The following PDZD4 variants were observed in gnomAD, a reference collection of about 807,000 sequenced individuals.
PDZD4 encodes PDZ domain containing 4.
In PDZD4, 9 loss-of-function variants were observed where a neutral mutation model predicts 38.5. That is an observed-to-expected ratio of 0.23 (90% confidence interval 0.14 to 0.41). PDZD4 has a LOEUF of 0.41. Ranked by LOEUF, PDZD4 falls within the 10% of genes least tolerant of loss-of-function variation. The pLI is 1.00. For synonymous variants in PDZD4, 349 were observed against 315.7 expected (o/e 1.11, Z -1.12); for missense variants, 612 against 722.0 (o/e 0.85, Z 1.75).
chrX:153,809,124 A>G (rs781899897), intron 1 of PDZD4, among the ~76,000 whole-genome samples: 3 of 112,606 alleles, frequency 2.7e-5, no homozygotes, highest in African/African-American at 6.5e-5. Flanking sequence ...TCTACTCACT[A>G]GGGAGGGCCA....
At position 153,806,169 on chromosome X, in the gene PDZD4, A is replaced by G. The variant is rs782688995; in HGVS notation, c.505-36T>C. 2.6e-5 allele frequency: 31 copies of G among 1,198,172 alleles called. No individual in the cohort carries two copies. In the South Asian group the frequency reaches 5.5e-4, roughly 21 times the overall value. On this transcript the variant is annotated intron_variant, in intron 4 of 7. Transcript: ENST00000393758. The stretch of plus-strand genomic sequence containing the variant: ...CACGCATCTTGGGGACTTGGTGCCT[A>G]ACATGCCCTTTCGGTAGAAGGGGGC...
chrX:153,823,399 G>A (rs894966677), intron 1 of PDZD4, among the ~76,000 whole-genome samples: 1 of 110,578 alleles, frequency 9.0e-6, no homozygotes, highest in Middle Eastern at 4.7e-3. Context: ...TGTATTTTTA[G>A]TAGAGATGGG....
chrX:153,818,232 C>A (rs1375252748), intron 1 of PDZD4, among the ~76,000 whole-genome samples: 3 of 110,347 alleles, frequency 2.7e-5, no homozygotes, highest in Admixed American at 9.7e-5. Context: ...GGCAACAGAG[C>A]AAGACTCCGT....
rs781967908 is a variant in PDZD4 at position 153,806,117 on chromosome X, A to G, written c.521T>C (p.Ile174Thr). 4.1e-6 allele frequency: 5 copies of G among 1,210,215 alleles called. No individual in the cohort carries two copies. Among genetic ancestry groups the G allele is most frequent in the Non-Finnish European group, 4.5e-6 (4 of 895,188 alleles). Residue 174 changes from isoleucine (I) to threonine (T), a missense_variant, in exon 5 of 8, where the codon ATT becomes ACT. This residue lies in a region of PDZD4 where 225 missense variants were observed against 311.0 expected (regional missense o/e 0.72). Transcript: ENST00000393758. Reference sequence around the variant, plus strand: ...ACGGATCCGGCCGTCTTTGGCTGCAATGCTGTTGGGATTTACCTGCAGGAC... The same window carrying G: ...ACGGATCCGGCCGTCTTTGGCTGCAGTGCTGTTGGGATTTACCTGCAGGAC... ...IYVGEVNPNS[I>T]AAKDGRIREG...
rs782135132 is a variant in PDZD4, at chrX:153,824,999, A to AAAC, written c.60+5237_60+5239dup. On this transcript the variant is annotated intron_variant, in intron 1 of 7. Transcript: ENST00000393758. ...GGCAACAAGAGCGAAACTCTGTCTC[A>AAAC]AACAACAACAACAACAACAACAAAA... Among the ~76,000 whole-genome samples, 438 of 111,900 alleles carry AAAC rather than the reference A, an allele frequency of 3.9e-3. 3 individuals are homozygous for AAAC. Among genetic ancestry groups the AAAC allele is most frequent in the African/African-American group, 0.013 (414 of 30,825 alleles).
At position 153,804,527 on chromosome X, in the gene PDZD4, C is replaced by G. The variant is rs1280291881; in HGVS notation, c.1154G>C (p.Arg385Pro). The change falls in exon 8 of 8, where the codon CGG becomes CCG. Residue 385 changes from arginine to proline, a missense_variant. Coordinates refer to ENST00000393758, the MANE Select transcript of PDZD4 (RefSeq NM_001303512.2). ...CAGGGCGCTGTTGCCTCCGGAGGCC[C>G]GGGGAAAGAGGAGGCCCAGCTGGTT... ...NGNQLGLLFP[R>P]ASGGNSALDV... is the part of the protein sequence containing the mutation. 8.3e-7 allele frequency: 1 copy of G among 1,208,250 alleles called. No individual in the cohort carries two copies. The highest frequency in any genetic ancestry group is 1.7e-5 in the African/African-American group (1 of 57,356).
chrX:153,804,082 G>A lies in PDZD4; in HGVS notation c.1599C>T (p.Phe533=), dbSNP rs945217605. ...AAPPPGSPAK[F]RSLSRDPEAG... ...CCTCAGGATCCCGGGAGAGGGACCG[G>A]AACTTGGCGGGGCTCCCCGGTGGAG... Residue 533 remains phenylalanine, a synonymous_variant, in exon 8 of 8, where the codon TTC becomes TTT. Transcript: ENST00000393758. 5 of 1,157,040 alleles carry A rather than the reference G, an allele frequency of 4.3e-6. No individual in the cohort carries two copies. Among genetic ancestry groups the A allele is most frequent in the Non-Finnish European group, 5.7e-6 (5 of 871,380 alleles).
At chrX:153,826,359 T>C (rs1476504303) in intron 1 of PDZD4, among the ~76,000 whole-genome samples, 2 of 111,487 alleles carry the variant, frequency 1.8e-5, no homozygotes, top group African/African-American at 6.5e-5. Flanking sequence ...AAACAAATTA[T>C]ACTTAATAAA....
chrX:153,816,472 G>A (rs1470226460), intron 1 of PDZD4, among the ~76,000 whole-genome samples: 3 of 109,974 alleles, frequency 2.7e-5, no homozygotes, highest in Admixed American at 9.5e-5. Flanking sequence ...GGAGATGCTG[G>A]GGGGTGGGCC....
In PDZD4 at chrX:153,829,959, C is replaced by T; in HGVS notation, c.60+280G>A. 9 of 805,910 alleles carry T rather than the reference C, an allele frequency of 1.1e-5. 1 individual carries two copies. The highest frequency in any genetic ancestry group is 1.4e-5 in the Non-Finnish European group (9 of 641,364). The allele number at this position is 805,910 out of a possible 1,213,427, so 66.4% of individuals were successfully genotyped here. ...CGGGGAGAGCGTGTGCGGGGAACTG[C>T]GCTCGTTGCTATGCAACCTCCATCC... On this transcript the variant is annotated intron_variant, in intron 1 of 7. Coordinates refer to ENST00000393758, the MANE Select transcript of PDZD4 (RefSeq NM_001303512.2).
Position 153,804,490 on chromosome X carries a change from G to C in PDZD4, c.1191C>G (p.Arg397=), listed in dbSNP as rs1192336107. 8.3e-7 allele frequency: 1 copy of C among 1,208,841 alleles called. No individual in the cohort carries two copies. Among genetic ancestry groups the C allele is most frequent in the Non-Finnish European group, 1.1e-6 (1 of 895,291 alleles). The change falls in exon 8 of 8, where the codon CGC becomes CGG. Residue 397 remains arginine, a synonymous_variant. Transcript: ENST00000393758. ...SGGNSALDVN[R]NESLGHEMAM... ...CCATCTCGTGGCCCAGGCTCTCGTT[G>C]CGGTTGACGTCCAGGGCGCTGTTGC...
chrX:153,807,170 C>T, intron 3 of PDZD4, 109 bp downstream of exon 3: 1 of 799,103 alleles, frequency 1.3e-6, no homozygotes, highest in Non-Finnish European at 1.8e-6. Context: ...CTGACTCAGC[C>T]AGATGCGTGC....
intron 5 of PDZD4, 62 bp from the exon 6 acceptor site, chrX:153,805,668 C>T (rs1382682088): frequency 1.1e-5 from 11 of 988,178 alleles, no homozygotes; most frequent in African/African-American, 3.8e-5. Context: ...GGACCCTGGG[C>T]GGGTGCAGGG....
At chrX:153,823,390 G>C (rs782353048) in intron 1 of PDZD4, among the ~76,000 whole-genome samples, 2 of 110,592 alleles carry the variant, frequency 1.8e-5, no homozygotes, top group South Asian at 7.8e-4. Context: ...GGCTAATTTT[G>C]TATTTTTAGT....
chrX:153,808,274 G>A lies in PDZD4; in HGVS notation c.314+68C>T, dbSNP rs782094190. 1.8e-5 allele frequency: 20 copies of A among 1,130,159 alleles called. No homozygotes were observed. The South Asian group carries it at 2.6e-4, about 14-fold the overall frequency. The allele number at this position is 1,130,159 out of a possible 1,213,427, so 93.1% of individuals were successfully genotyped here. On this transcript the variant is annotated intron_variant, in intron 2 of 7. Transcript: ENST00000393758. ...CTTCCTGCCCGAGAGGGTGGCGTGC[G>A]GATGGCCGCTCCAGGTGGCCTGTCC...
At position 153,804,017 on chromosome X, in the gene PDZD4, T is replaced by C; in HGVS notation, c.1664A>G (p.Asn555Ser). 8.6e-7 allele frequency: 1 copy of C among 1,157,960 alleles called. No individual in the cohort carries two copies. The highest frequency in any genetic ancestry group is 1.1e-6 in the Non-Finnish European group (1 of 870,457). Residue 555 changes from asparagine to serine, a missense_variant, in exon 8 of 8, where the codon AAC becomes AGC. Physicochemically the swap from Asn to Ser is conservative, Grantham distance 46 (BLOSUM62 1). Coordinates refer to ENST00000393758, the MANE Select transcript of PDZD4 (RefSeq NM_001303512.2). ...CTCCAGGGTCAACCCCGTCTTGGGG[T>C]TGCGGCGGCCGCGCTCCTCCGCGTG... The part of the protein sequence containing the change: ...RQHAEERGRR[N>S]PKTGLTLERV...
In PDZD4 at chrX:153,822,455, G is replaced by A. The variant is rs1425149263; in HGVS notation, c.60+7784C>T. Among the ~76,000 whole-genome samples, 2 of 111,517 alleles carry A rather than the reference G, an allele frequency of 1.8e-5. 1 individual carries two copies. Among genetic ancestry groups the A allele is most frequent in the South Asian group, 7.5e-4 (2 of 2,671 alleles). ...ATCAAAGCAATATTCCCTCTGCAGC[G>A]TTTTTCATTCTCAATGCTCCAAGCA... On this transcript the variant is annotated intron_variant, in intron 1 of 7. Transcript: ENST00000393758.
rs2092200986 is a variant in PDZD4 at position 153,804,483 on chromosome X, T to C, written c.1198A>G (p.Ser400Gly). ...NSALDVNRNE[S>G]LGHEMAMLEE... ...AGCATGGCCATCTCGTGGCCCAGGC[T>C]CTCGTTGCGGTTGACGTCCAGGGCG... The change falls in exon 8 of 8, where the codon AGC becomes GGC. Residue 400 changes from serine to glycine, a missense_variant. This residue lies in a region of PDZD4 where 300 missense variants were observed against 284.6 expected (regional missense o/e 1.05). Coordinates refer to ENST00000393758, the MANE Select transcript of PDZD4 (RefSeq NM_001303512.2). 1.7e-6 allele frequency: 2 copies of C among 1,208,560 alleles called. No homozygotes were observed. The highest frequency in any genetic ancestry group is 1.7e-5 in the African/African-American group (1 of 57,353).
At position 153,804,602 on chromosome X, in the gene PDZD4, T is replaced by C; in HGVS notation, c.1079A>G (p.Tyr360Cys). 8.3e-7 allele frequency: 1 copy of C among 1,209,662 alleles called. No homozygotes were observed. Among genetic ancestry groups the C allele is most frequent in the South Asian group, 1.8e-5 (1 of 56,995 alleles). The change falls in exon 8 of 8, where the codon TAT becomes TGT. Residue 360 changes from tyrosine to cysteine, a missense_variant. Physicochemically the swap from Tyr to Cys is radical, Grantham distance 194. Coordinates refer to ENST00000393758, the MANE Select transcript of PDZD4 (RefSeq NM_001303512.2). ...GDVPGLTDEE[Y>C]ERYRELLEIK... ...CTCCAGGAGCTCACGGTAGCGCTCA[T>C]ACTCCTCATCCGTGAGGCCCGGGAC...
Sources: gnomAD v4.1 joint callset for allele counts (sites outside exome capture counted in the v4.1 genomes callset) on GRCh38, gnomAD v4.1.1 for gene constraint, gnomAD v4.1.1 regional missense constraint, MANE v1.5 for transcripts, NCBI Gene and HGNC (gene_info 2026-07-23, HGNC 2026-07-21) for gene names.